Variants in STPG2 observed in about 807,000 individuals in gnomAD.
The protein encoded by STPG2 is sperm tail PG-rich repeat containing 2, also known as sperm-tail PG-rich repeat-containing protein 2.
In STPG2, 56 loss-of-function variants were observed where a neutral mutation model predicts 54.2. That is an observed-to-expected ratio of 1.03 (90% CI 0.83 to 1.29). The LOEUF (loss-of-function observed/expected upper bound fraction) is 1.29. STPG2 is among the 50% of genes most tolerant of loss of function. The pLI is 0.00. For synonymous variants in STPG2, 200 were observed against 181.8 expected, an observed-to-expected ratio of 1.10 and a Z score of -0.81; for missense variants, 596 against 544.9, an observed-to-expected ratio of 1.09 and a Z score of -0.93.
At chr4:97,551,382 A>G (rs1488140956) in intron 4 of STPG2, among the ~76,000 whole-genome samples, 1 of 152,228 alleles carries the variant, frequency 6.6e-6, no homozygotes, top group Non-Finnish European at 1.5e-5. Flanking sequence ...TACTTCTGTA[A>G]TTGTCAAATA....
intron 9 of STPG2, among the ~76,000 whole-genome samples, chr4:97,778,979 G>GA (rs559034110): frequency 7.2e-5 from 11 of 151,986 alleles, no homozygotes; most frequent in Non-Finnish European, 1.3e-4. Flanking sequence ...CAAAGATGGG[G>GA]AAAAAAACAG....
chr4:97,466,897 G>C (rs1729801019), intron 4 of STPG2, among the ~76,000 whole-genome samples: 1 of 151,984 alleles, frequency 6.6e-6, no homozygotes, highest in Non-Finnish European at 1.5e-5. Context: ...TTACCTATAA[G>C]TTGAGAAATA....
intron 8 of STPG2, among the ~76,000 whole-genome samples, chr4:97,937,063 T>G (rs1039874655): frequency 6.6e-6 from 1 of 151,860 alleles, no homozygotes; most frequent in African/African-American, 2.4e-5. Context: ...TTCTTGGGGG[T>G]TTTGTTTGTT....
chr4:97,485,131 C>T (rs1730321433), intron 4 of STPG2, among the ~76,000 whole-genome samples: 1 of 151,784 alleles, frequency 6.6e-6, no homozygotes, highest in African/African-American at 2.4e-5. Context: ...AAGGCCTTCC[C>T]TCTGAGAACT....
intron 5 of STPG2, among the ~76,000 whole-genome samples, chr4:97,983,548 G>T (rs1472634217): frequency 6.6e-6 from 1 of 152,106 alleles, no homozygotes; most frequent in Non-Finnish European, 1.5e-5. Context: ...CAGGTGGGGG[G>T]CCCTTCATAT....
chr4:97,788,348 A>G (rs919942932), intron 9 of STPG2, among the ~76,000 whole-genome samples: 9 of 152,098 alleles, frequency 5.9e-5, no homozygotes, highest in Admixed American at 2.0e-4. Context: ...TGCCTGGCTT[A>G]TTTCACTTAA....
At chr4:97,983,306 A>G (rs1734734317) in intron 5 of STPG2, among the ~76,000 whole-genome samples, 1 of 152,214 alleles carries the variant, frequency 6.6e-6, no homozygotes, top group Non-Finnish European at 1.5e-5. Context: ...CACATATAAC[A>G]TACAAAATAT....
intron 10 of STPG2, among the ~76,000 whole-genome samples, chr4:97,598,617 GCA>G (rs1733367600): frequency 6.6e-6 from 1 of 150,806 alleles, no homozygotes; most frequent in Non-Finnish European, 1.5e-5. Flanking sequence ...ATATCAAGCT[GCA>G]CACCTACAAC....
At chr4:97,537,912 C>A (rs1245448700) in intron 4 of STPG2, among the ~76,000 whole-genome samples, 1 of 152,228 alleles carries the variant, frequency 6.6e-6, no homozygotes, top group Non-Finnish European at 1.5e-5. Flanking sequence ...GCAGCCTCCG[C>A]TGCTGATACC....
At chr4:97,855,869 C>T (rs1729319239) in intron 8 of STPG2, among the ~76,000 whole-genome samples, 1 of 152,146 alleles carries the variant, frequency 6.6e-6, no homozygotes, top group Non-Finnish European at 1.5e-5. Context: ...GGTCCTGTTT[C>T]AATTTGCAGC....
At chr4:97,923,044 C>A (rs1732170086) in intron 8 of STPG2, among the ~76,000 whole-genome samples, 1 of 152,216 alleles carries the variant, frequency 6.6e-6, no homozygotes, top group South Asian at 2.1e-4. Flanking sequence ...ACTGGTTTCC[C>A]ATGTACTTGT....
chr4:98,128,815 T>A (rs760786441), intron 2 of STPG2, among the ~76,000 whole-genome samples: 16 of 152,112 alleles, frequency 1.1e-4, no homozygotes, highest in Non-Finnish European at 2.2e-4. Context: ...CTGCAACCTC[T>A]GTCTCCCAGG....
chr4:98,085,001 G>C (rs1161176960), intron 5 of STPG2, among the ~76,000 whole-genome samples: 1 of 151,790 alleles, frequency 6.6e-6, no homozygotes, highest in Non-Finnish European at 1.5e-5. Flanking sequence ...CATACTTTTT[G>C]TACCCTATCT....
intron 5 of STPG2, among the ~76,000 whole-genome samples, chr4:97,999,692 C>A (rs1735353374): frequency 1.3e-5 from 2 of 149,512 alleles, no homozygotes; most frequent in Non-Finnish European, 3.0e-5. Context: ...GAGTGAGACT[C>A]TGTCTCAAAA....
At chr4:97,961,988 A>G (rs1733907049) in intron 7 of STPG2, among the ~76,000 whole-genome samples, 1 of 152,220 alleles carries the variant, frequency 6.6e-6, no homozygotes, top group Admixed American at 6.5e-5. Flanking sequence ...GTGGATAAAG[A>G]AACTGTGGTA....
intron 9 of STPG2, among the ~76,000 whole-genome samples, chr4:97,767,628 T>C (rs1359166798): frequency 1.3e-5 from 2 of 152,162 alleles, no homozygotes; most frequent in Non-Finnish European, 2.9e-5. Context: ...TGGAAGCAAT[T>C]TTTAATAAAA....
At position 97,758,423 on chromosome 4, in the gene STPG2, C is replaced by T. The variant is rs547667993; in HGVS notation, c.1205-45609G>A. On this transcript the variant is annotated intron_variant, in intron 9 of 10. Transcript: ENST00000295268. ...TAAGGAAAATGTGGCACATATACAC[C>T]ATGGAATGCTATGCAGTCATAAAAA... Among the ~76,000 whole-genome samples the T allele has an allele frequency of 1.2e-3, 180 of 152,270 alleles. 1 individual carries two copies. The South Asian group carries it at 0.014, about 12-fold the overall frequency.
intron 10 of STPG2, among the ~76,000 whole-genome samples, chr4:97,673,755 T>A (rs986482849): frequency 6.6e-6 from 1 of 152,168 alleles, no homozygotes; most frequent in South Asian, 2.1e-4. Context: ...GATTTTTCTA[T>A]CACATCTTAT....
intron 8 of STPG2, among the ~76,000 whole-genome samples, chr4:97,907,172 C>G (rs1303304905): frequency 6.6e-6 from 1 of 151,962 alleles, no homozygotes; most frequent in African/African-American, 2.4e-5. Flanking sequence ...AGCAAAGTCT[C>G]AGGATACAAA....
Sources: allele counts gnomAD v4.1 joint callset (sites outside exome capture counted in the v4.1 genomes callset), GRCh38; gene constraint gnomAD v4.1.1; transcripts MANE v1.5; gene names NCBI Gene and HGNC (gene_info 2026-07-23, HGNC 2026-07-21).